The following PTPN4 variants were observed in gnomAD, a reference collection of about 807,000 sequenced individuals.
The protein encoded by PTPN4 is tyrosine-protein phosphatase non-receptor type 4.
Under a neutral mutation model 135.5 loss-of-function variants are expected in PTPN4, and 49 were observed. The ratio of observed to expected loss-of-function variants is 0.36; its 90% CI spans 0.29 to 0.46. PTPN4 has a LOEUF of 0.46. Ranked by LOEUF, PTPN4 falls within the 20% of genes least tolerant of loss-of-function variation. The probability of loss-of-function intolerance (pLI) is 1.00; values close to 1 mark genes in which losing one functional copy is unlikely to be tolerated. For synonymous variants in PTPN4, 333 were observed against 369.9 expected, an observed-to-expected ratio of 0.90 and a Z score of 1.14; for missense variants, 860 against 1,101.0, an observed-to-expected ratio of 0.78 and a Z score of 3.10.
intron 1 of PTPN4, among the ~76,000 whole-genome samples, chr2:119,801,373 T>G (rs1198331092): frequency 6.6e-6 from 1 of 152,174 alleles, no homozygotes. Flanking sequence ...CAGGCGTGAG[T>G]CACTGCGCCT....
chr2:119,856,821 A>G (rs538558010), intron 2 of PTPN4, among the ~76,000 whole-genome samples: 86 of 152,352 alleles, frequency 5.6e-4, no homozygotes, highest in Non-Finnish European at 1.0e-3. Context: ...TCTCTGTCCA[A>G]TATTGTACCC....
At chr2:119,795,502 G>T (rs1191151486) in intron 1 of PTPN4, among the ~76,000 whole-genome samples, 1 of 152,266 alleles carries the variant, frequency 6.6e-6, no homozygotes, top group Non-Finnish European at 1.5e-5. Context: ...TGGCATGTCA[G>T]TACTGCTTCT....
intron 2 of PTPN4, among the ~76,000 whole-genome samples, chr2:119,849,414 C>T (rs1050507353): frequency 2.0e-5 from 3 of 152,024 alleles, no homozygotes; most frequent in Admixed American, 6.5e-5. Context: ...TGATCTTCCC[C>T]CTCAGCCTCC....
chr2:119,884,868 C>A (rs1678132758), intron 8 of PTPN4, among the ~76,000 whole-genome samples: 2 of 152,000 alleles, frequency 1.3e-5, no homozygotes, highest in African/African-American at 4.8e-5. Context: ...TTTCTAGTAG[C>A]ATTAGTGAAT....
At chr2:119,855,189 C>G (rs975960660) in intron 2 of PTPN4, among the ~76,000 whole-genome samples, 2 of 152,136 alleles carry the variant, frequency 1.3e-5, no homozygotes, top group Admixed American at 6.5e-5. Context: ...CCAGTCTACC[C>G]TTTCAGTTAA....
intron 2 of PTPN4, among the ~76,000 whole-genome samples, chr2:119,846,878 TCA>T (rs113065842): frequency 0.023 from 3,517 of 151,814 alleles, 125 homozygotes; most frequent in African/African-American, 0.077. Flanking sequence ...TTTATATAGC[TCA>T]GTTTCCTCTT....
At chr2:119,773,671 G>T (rs1317433822) in intron 1 of PTPN4, among the ~76,000 whole-genome samples, 1 of 150,676 alleles carries the variant, frequency 6.6e-6, no homozygotes, top group Admixed American at 6.6e-5. Context: ...AGGAGGCAGA[G>T]GTTGCAGTGA....
At chr2:119,770,346 A>G (rs1224971029) in intron 1 of PTPN4, among the ~76,000 whole-genome samples, 1 of 152,234 alleles carries the variant, frequency 6.6e-6, no homozygotes, top group Non-Finnish European at 1.5e-5. Flanking sequence ...CAGACTTGTC[A>G]TTTTAAAATT....
chr2:119,950,587 G>T (rs1413033374), intron 18 of PTPN4, among the ~76,000 whole-genome samples: 2 of 152,032 alleles, frequency 1.3e-5, no homozygotes, highest in African/African-American at 4.8e-5. Flanking sequence ...TATTGACTTT[G>T]TGTTGATAAA....
Position 119,955,187 on chromosome 2 carries a change from A to G in PTPN4, c.1844A>G (p.Glu615Gly), listed in dbSNP as rs780369887. Residue 615 changes from glutamate to glycine, a missense_variant, in exon 20 of 27, where the codon GAA (glutamate) becomes GGA (glycine). Glu to Gly is a moderately conservative substitution (Grantham distance 98, BLOSUM62 -2). Around this residue, in one of 2 missense-constraint regions of PTPN4, gnomAD observed 684 missense variants for 807.0 expected, o/e 0.85. Transcript: ENST00000263708. Reference protein sequence around the residue: ...AVYDVVEEKLENEPDFQYIPE... With the variant: ...AVYDVVEEKLGNEPDFQYIPE... ...TATGATGTAGTGGAAGAAAAGCTAG[A>G]AAATGAGCCAGATTTCCAGTATATT... 3.1e-6 allele frequency: 5 copies of G among 1,611,244 alleles called. No individual in the cohort carries two copies. The South Asian group carries it at 5.5e-5, about 18-fold the overall frequency.
chr2:119,806,113 A>G (rs1206574287), intron 1 of PTPN4, among the ~76,000 whole-genome samples: 1 of 152,230 alleles, frequency 6.6e-6, no homozygotes, highest in Non-Finnish European at 1.5e-5. Context: ...GGTACCCGCC[A>G]CTGTAAAAAC....
chr2:119,914,315 T>C (rs1229191157), intron 10 of PTPN4, among the ~76,000 whole-genome samples: 2 of 149,930 alleles, frequency 1.3e-5, no homozygotes, highest in Non-Finnish European at 3.0e-5. Flanking sequence ...GACAGAATAT[T>C]TTTCCCATGT....
At chr2:119,932,623 G>T in intron 14 of PTPN4, 74 bp downstream of exon 14, 2 of 1,445,062 alleles carry the variant, frequency 1.4e-6, no homozygotes, top group Middle Eastern at 3.6e-4. Context: ...ATATTTTTAT[G>T]CCTGAAGACA....
intron 22 of PTPN4, among the ~76,000 whole-genome samples, chr2:119,957,702 C>T (rs965176007): frequency 9.2e-5 from 14 of 151,998 alleles, no homozygotes; most frequent in African/African-American, 1.7e-4. Flanking sequence ...TAAAGCAAAC[C>T]GTAAAATCAA....
chr2:119,770,915 T>C (rs1321920598), intron 1 of PTPN4, among the ~76,000 whole-genome samples: 2 of 151,282 alleles, frequency 1.3e-5, no homozygotes, highest in African/African-American at 4.9e-5. Context: ...AGTCTCGCTC[T>C]GTCGCTCAGG....
Position 119,760,006 on chromosome 2 carries a change from G to A in PTPN4, c.-396G>A, listed in dbSNP as rs1026922123. On this transcript the variant is annotated 5_prime_UTR_variant, in exon 1 of 27. Coordinates refer to ENST00000263708, the MANE Select transcript of PTPN4 (RefSeq NM_002830.4). ...CAACATTGTTCTCTCAGGACTCCTG[G>A]GTCCCAGGGGCCGGAATTGGGCCTG... 23 of 381,626 alleles carry A rather than the reference G, an allele frequency of 6.0e-5. No individual in the cohort carries two copies. In the Admixed American group the frequency reaches 1.0e-3, roughly 17 times the overall value. 23.6% of individuals were successfully genotyped at this position (381,626 alleles called of 1,614,324 possible).
chr2:119,926,564 A>C, intron 12 of PTPN4, 34 bp from the exon 13 acceptor site: 1 of 1,438,118 alleles, frequency 7.0e-7, no homozygotes, highest in South Asian at 1.3e-5. Flanking sequence ...AGTTCTCTTA[A>C]GACTTTATTG....
Position 119,901,925 on chromosome 2 carries a change from C to T in PTPN4, c.764+1119C>T, listed in dbSNP as rs142755441. Among the ~76,000 whole-genome samples, 387 of 151,488 alleles carry T rather than the reference C, an allele frequency of 2.6e-3. 1 individual carries two copies. Among genetic ancestry groups the T allele is most frequent in the Middle Eastern group, 6.8e-3 (2 of 294 alleles). On this transcript the variant is annotated intron_variant, in intron 10 of 26. Coordinates refer to ENST00000263708, the MANE Select transcript of PTPN4 (RefSeq NM_002830.4). Reference sequence around the variant, plus strand: ...ATATGTCAATAGAAACTTCAAAAACCGAAAAGTGATGGGAAAAAGGAATGA... The same window carrying T: ...ATATGTCAATAGAAACTTCAAAAACTGAAAAGTGATGGGAAAAAGGAATGA...
chr2:119,958,165 A>T (rs1013115193), intron 22 of PTPN4, among the ~76,000 whole-genome samples: 2 of 151,806 alleles, frequency 1.3e-5, no homozygotes, highest in African/African-American at 2.4e-5. Flanking sequence ...CTCGAATAAA[A>T]ATAAAAATAT....
Sources: allele counts gnomAD v4.1 joint callset (sites outside exome capture counted in the v4.1 genomes callset), GRCh38; gene constraint gnomAD v4.1.1; regional missense constraint gnomAD v4.1.1; transcripts MANE v1.5; gene names NCBI Gene and HGNC (gene_info 2026-07-23, HGNC 2026-07-21).